WASHC2A: variants seen among roughly 807,000 people sequenced by gnomAD.
WASHC2A encodes the protein WASH complex subunit 2A, also known as WASH complex subunit FAM21A.
Under a neutral mutation model 140.3 loss-of-function variants are expected in WASHC2A, and 82 were observed. The ratio of observed to expected loss-of-function variants is 0.58; its 90% CI spans 0.49 to 0.70. The LOEUF (loss-of-function observed/expected upper bound fraction) is 0.70, where lower values mean the gene tolerates loss of function less well. Ranked by LOEUF, WASHC2A falls within the 30% of genes least tolerant of loss-of-function variation. WASHC2A has a pLI of 0.00. For missense variants in WASHC2A, 985 were observed against 1,521.8 expected, an observed-to-expected ratio of 0.65 and a Z score of 5.87; for synonymous variants, 340 against 560.8, an observed-to-expected ratio of 0.61 and a Z score of 5.56.
chr10:50,091,474 G>A lies in WASHC2A; in HGVS notation c.887G>A (p.Arg296His), dbSNP rs1261100684. The part of the protein sequence containing the change: ...PTSFADELAA[R>H]IKGDAVGRVD... ...TCGTTTGCAGATGAGCTGGCTGCCC[G>A]CATCAAGGGGGATGCCGTGGGTCGA... The change falls in exon 10 of 31, where the codon CGC becomes CAC. Residue 296 changes from arginine to histidine, a missense_variant. Arg to His is a conservative substitution (Grantham distance 29). Coordinates refer to ENST00000282633, the MANE Select transcript of WASHC2A (RefSeq NM_001005751.3). The A allele has an allele frequency of 6.1e-5, 94 of 1,550,592 alleles. No individual in the cohort carries two copies. The highest frequency in any genetic ancestry group is 7.5e-5 in the Non-Finnish European group (86 of 1,147,278).
intron 30 of WASHC2A, among the ~76,000 whole-genome samples, chr10:50,131,604 C>T (rs1711888358): frequency 6.6e-6 from 1 of 152,162 alleles, no homozygotes; most frequent in African/African-American, 2.4e-5. Context: ...TATGGCACAA[C>T]TTCTGCTTTA....
At chr10:50,087,448 CT>C (rs1839486135) in intron 8 of WASHC2A, 126 bp downstream of exon 8, 1 of 1,302,112 alleles carries the variant, frequency 7.7e-7, no homozygotes, top group African/African-American at 1.5e-5. Context: ...ATTTATTTTC[CT>C]TTAAGCATTT....
rs541475088 is a variant in WASHC2A at position 50,099,213 on chromosome 10, G to C, written c.1549-765G>C. Among the ~76,000 whole-genome samples, 7 of 151,134 alleles carry C rather than the reference G, an allele frequency of 4.6e-5. No individual in the cohort carries two copies. In the East Asian group the frequency reaches 1.2e-3, roughly 25 times the overall value. On this transcript the variant is annotated intron_variant, in intron 16 of 30. Transcript: ENST00000282633. The stretch of plus-strand genomic sequence containing the variant: ...CTTCCCCGATTTTTAGTATTGCTTT[G>C]GGATCATGTATTCATTCTTCAGTGT...
chr10:50,082,286 C>T (rs1838972819), intron 5 of WASHC2A, among the ~76,000 whole-genome samples: 2 of 150,586 alleles, frequency 1.3e-5, no homozygotes, highest in Admixed American at 6.7e-5. Context: ...GCTGTGACGT[C>T]GTTGAACCTT....
rs535574375 is a variant in WASHC2A at position 50,129,422 on chromosome 10, C to T, written c.3091C>T (p.Arg1031Cys). The change falls in exon 29 of 31, where the codon CGT becomes TGT. Residue 1031 changes from arginine (R) to cysteine (C), a missense_variant. Coordinates refer to ENST00000282633, the MANE Select transcript of WASHC2A (RefSeq NM_001005751.3). ...GTGTGTTTTTTTGCCATTGCAGAGC[C>T]GTGTCAAGATGAGAGGGAAGCGTAG... ...ADTLHSANKS[R>C]VKMRGKRRPQ... The T allele has an allele frequency of 5.6e-6, 9 of 1,612,008 alleles. No individual in the cohort carries two copies. Among genetic ancestry groups the T allele is most frequent in the African/African-American group, 1.3e-5 (1 of 74,970 alleles).
In WASHC2A at chr10:50,129,943, T is replaced by G; in HGVS notation, c.3612T>G (p.Asp1204Glu). ...CAAATCCCTTTCCTCTCCTGGAAGA[T>G]GAGGATGACCTCTTTACAGATCAGA... Reference protein sequence around the residue: ...KKTNPFPLLEDEDDLFTDQKV... With the variant: ...KKTNPFPLLEEEDDLFTDQKV... Residue 1204 changes from aspartate (D) to glutamate (E), a missense_variant, in exon 29 of 31, where the codon GAT (aspartate) becomes GAG (glutamate). Asp to Glu is a conservative substitution (Grantham distance 45, BLOSUM62 2). Transcript: ENST00000282633. The G allele has an allele frequency of 6.2e-7, 1 of 1,611,998 alleles. No individual in the cohort carries two copies. Among genetic ancestry groups the G allele is most frequent in the Non-Finnish European group, 8.5e-7 (1 of 1,179,848 alleles).
At chr10:50,086,172 G>A (rs1319272461) in intron 7 of WASHC2A, among the ~76,000 whole-genome samples, 1 of 151,494 alleles carries the variant, frequency 6.6e-6, no homozygotes, top group Non-Finnish European at 1.5e-5. Flanking sequence ...TGGGATTTCC[G>A]AAAGGAGACA....
chr10:50,129,533 C>T lies in WASHC2A; in HGVS notation c.3202C>T (p.Gln1068Ter), dbSNP rs1236411590. 14 of 1,611,900 alleles carry T rather than the reference C, an allele frequency of 8.7e-6. No individual in the cohort carries two copies. The highest frequency in any genetic ancestry group is 1.1e-5 in the Non-Finnish European group (13 of 1,179,860). ...DMSVPRGPIA[Q>*]WADGAISPNG... is the part of the protein sequence containing the mutation. ...GAGCGTCCCCAGAGGACCCATTGCA[C>T]AGTGGGCTGATGGCGCCATTTCCCC... Residue 1068 changes from glutamine (Q) to a stop codon, truncating the protein, a stop_gained, in exon 29 of 31, where the codon CAG (glutamine) becomes TAG (stop). Transcript: ENST00000282633. LOFTEE classifies it high-confidence loss of function.
chr10:50,129,096 A>G (rs1263981503), intron 28 of WASHC2A, among the ~76,000 whole-genome samples: 1 of 152,090 alleles, frequency 6.6e-6, no homozygotes, highest in Admixed American at 6.5e-5. Flanking sequence ...GGGTTGTGAG[A>G]CAGAGAGCCA....
chr10:50,105,865 G>A (rs1399824174), intron 18 of WASHC2A, among the ~76,000 whole-genome samples: 1 of 147,312 alleles, frequency 6.8e-6, no homozygotes, highest in Non-Finnish European at 1.5e-5. Flanking sequence ...CCAGGTGTAT[G>A]TCTTTCTGAC....
rs1219031698 is a variant in WASHC2A at position 50,133,004 on chromosome 10, T to C, written c.*59T>C. On this transcript the variant is annotated 3_prime_UTR_variant, in exon 31 of 31. Transcript: ENST00000282633. ...TACATTGTTGAGTTAGTGATGATGTTGTATATGCTGATGGTCTTAACTGGA... is the reference window on the plus strand; with the variant it reads ...TACATTGTTGAGTTAGTGATGATGTCGTATATGCTGATGGTCTTAACTGGA... The C allele has an allele frequency of 2.0e-5, 32 of 1,611,548 alleles. No individual in the cohort carries two copies. Among genetic ancestry groups the C allele is most frequent in the African/African-American group, 2.7e-5 (2 of 74,876 alleles).
chr10:50,075,678 G>A (rs1229111610), intron 3 of WASHC2A, among the ~76,000 whole-genome samples: 5 of 149,974 alleles, frequency 3.3e-5, no homozygotes, highest in Non-Finnish European at 3.0e-5. Flanking sequence ...ATGTATGAAC[G>A]TTTGTGTGTG....
Position 50,130,022 on chromosome 10 carries a change from A to C in WASHC2A, c.3691A>C (p.Thr1231Pro). 1 of 1,611,940 alleles carries C rather than the reference A, an allele frequency of 6.2e-7. No homozygotes were observed. Among genetic ancestry groups the C allele is most frequent in the East Asian group, 2.2e-5 (1 of 44,868 alleles). ...TAGTCAGCAGGATGTCATATTAACA[A>C]CACAAGATATTTTTGAGGTAATAGG... ...SNSQQDVILT[T>P]QDIFEDDIFA... Residue 1231 changes from threonine to proline, a missense_variant, in exon 29 of 31, where the codon ACA (threonine) becomes CCA (proline). Transcript: ENST00000282633.
rs2133114597 is a variant in WASHC2A, at chr10:50,129,981, A to G, written c.3650A>G (p.Asn1217Ser). ...TTTACAGATCAGAAAGTCAAGAAGA[A>G]TGAGACAAAATCCAATAGTCAGCAG... is the stretch of plus-strand genomic sequence containing the variant. ...DLFTDQKVKK[N>S]ETKSNSQQDV... The change falls in exon 29 of 31, where the codon AAT (asparagine) becomes AGT (serine). Residue 1217 changes from asparagine (N) to serine (S), a missense_variant. Physicochemically the swap from Asn to Ser is conservative, Grantham distance 46. Coordinates refer to ENST00000282633, the MANE Select transcript of WASHC2A (RefSeq NM_001005751.3). The G allele has an allele frequency of 6.2e-7, 1 of 1,612,030 alleles. No homozygotes were observed. The highest frequency in any genetic ancestry group is 1.1e-5 in the South Asian group (1 of 90,980).
At chr10:50,082,503 A>G (rs1330331975) in intron 5 of WASHC2A, among the ~76,000 whole-genome samples, 4 of 138,424 alleles carry the variant, frequency 2.9e-5, no homozygotes, top group Non-Finnish European at 4.7e-5. Context: ...TTTTTTTGAG[A>G]CAGAGTTTCA....
chr10:50,078,578 C>T (rs1208134553), intron 3 of WASHC2A, 97 bp from the exon 4 acceptor site: 3 of 1,611,396 alleles, frequency 1.9e-6, no homozygotes, highest in African/African-American at 1.3e-5. Flanking sequence ...CATTTCCTTC[C>T]CCATCTTTGT....
At position 50,090,807 on chromosome 10, in the gene WASHC2A, A is replaced by G; in HGVS notation, c.764A>G (p.Asp255Gly). 1 of 1,611,582 alleles carries G rather than the reference A, an allele frequency of 6.2e-7. No homozygotes were observed. Among genetic ancestry groups the G allele is most frequent in the Non-Finnish European group, 8.5e-7 (1 of 1,179,788 alleles). ...HTTQMSDEEE[D>G]DDGCDLFADS... Reference sequence around the variant, plus strand: ...ACACAAATGAGTGATGAGGAAGAGGATGATGATGGCTGTGACCTTTTCGCT... The same window carrying G: ...ACACAAATGAGTGATGAGGAAGAGGGTGATGATGGCTGTGACCTTTTCGCT... Residue 255 changes from aspartate to glycine, a missense_variant, in exon 9 of 31, where the codon GAT becomes GGT. Asp to Gly is a moderately conservative substitution (Grantham distance 94). Transcript: ENST00000282633.
At chr10:50,100,215 G>C in intron 17 of WASHC2A, 151 bp downstream of exon 17, 2 of 1,436,364 alleles carry the variant, frequency 1.4e-6, no homozygotes, top group Non-Finnish European at 1.9e-6. Context: ...AGGAGTAGTG[G>C]TTCATGCCTG....
At chr10:50,079,746 T>A (rs1838725438) in intron 4 of WASHC2A, among the ~76,000 whole-genome samples, 1 of 152,108 alleles carries the variant, frequency 6.6e-6, no homozygotes, top group African/African-American at 2.4e-5. Flanking sequence ...GCCATTTAAG[T>A]GCAGTAGTAT....
Sources: allele counts gnomAD v4.1 joint callset (sites outside exome capture counted in the v4.1 genomes callset), GRCh38; gene constraint gnomAD v4.1.1; transcripts MANE v1.5; gene names NCBI Gene and HGNC (gene_info 2026-07-23, HGNC 2026-07-21).